Variants in UNKL observed in about 807,000 individuals in gnomAD.
UNKL encodes the protein putative E3 ubiquitin-protein ligase UNKL.
UNKL carries 60 observed loss-of-function variants against 78.0 expected under a neutral mutation model. That is an observed-to-expected ratio of 0.77 (90% CI 0.63 to 0.95). The LOEUF is 0.95. Among genes scored for constraint, UNKL ranks in the 40% least tolerant of loss-of-function variants. UNKL has a pLI of 0.00. For synonymous variants in UNKL, 608 were observed against 474.8 expected, an observed-to-expected ratio of 1.28 and a Z score of -3.65; for missense variants, 1,159 against 1,045.7, an observed-to-expected ratio of 1.11 and a Z score of -1.49.
At chr16:1,379,977 G>A (rs529445067) in intron 10 of UNKL, among the ~76,000 whole-genome samples, 1 of 152,148 alleles carries the variant, frequency 6.6e-6, no homozygotes, top group African/African-American at 2.4e-5. Context: ...AAACACGGTC[G>A]ACCCAACAGG....
In UNKL at chr16:1,397,755, G is replaced by T. The variant is rs542557903; in HGVS notation, c.735-460C>A. Among the ~76,000 whole-genome samples the T allele has an allele frequency of 6.8e-5, 7 of 103,154 alleles. No homozygotes were observed. In the South Asian group the frequency reaches 2.8e-3, roughly 41 times the overall value. 67.7% of individuals were successfully genotyped at this position (103,154 alleles called of 152,430 possible). Reference sequence around the variant, plus strand: ...CCTGGGGATGAGGAGGTGTCAGGGGGACACAGAGGACTTGGCTCCCCCACC... The same window carrying T: ...CCTGGGGATGAGGAGGTGTCAGGGGTACACAGAGGACTTGGCTCCCCCACC... On this transcript the variant is annotated intron_variant, in intron 5 of 14. Coordinates refer to ENST00000389221, the MANE Select transcript of UNKL (RefSeq NM_001372107.1).
At chr16:1,386,728 A>T (rs1362076390) in intron 9 of UNKL, among the ~76,000 whole-genome samples, 1 of 152,134 alleles carries the variant, frequency 6.6e-6, no homozygotes, top group African/African-American at 2.4e-5. Flanking sequence ...AAAGATCAGA[A>T]ATCCCCGACA....
Position 1,397,251 on chromosome 16 carries a change from T to TC in UNKL, c.778dup (p.Glu260GlyfsTer53). ...GTCGCCGCCATCGCAGCGTGAGGGT[T>TC]CCCCCCACTCATCCCCGTGCTTCAC... On this transcript the variant is annotated frameshift_variant, in exon 6 of 15. Transcript: ENST00000389221. LOFTEE classifies it high-confidence loss of function. 17 of 1,541,878 alleles carry TC rather than the reference T, an allele frequency of 1.1e-5. No individual in the cohort carries two copies. Among genetic ancestry groups the TC allele is most frequent in the East Asian group, 9.8e-5 (4 of 40,892 alleles).
intron 8 of UNKL, among the ~76,000 whole-genome samples, chr16:1,391,223 C>T (rs1408133200): frequency 6.7e-6 from 1 of 149,524 alleles, no homozygotes. Flanking sequence ...CAGCAGTACT[C>T]TTGGTCCCTT....
In UNKL at chr16:1,367,770, TG is replaced by T; in HGVS notation, c.1673del (p.Pro558HisfsTer37). 1 of 1,572,036 alleles carries T rather than the reference TG, an allele frequency of 6.4e-7. No individual in the cohort carries two copies. The highest frequency in any genetic ancestry group is 1.4e-5 in the African/African-American group (1 of 73,886). ...SPSPILSAGP[P>X]SSSSASPNGA... is the part of the protein sequence containing the mutation. ...CGTTTGGACTTGCACTCGAAGAGGA[TG>T]GGGGGCCGGCACTCAGGATGGGGGA... On this transcript the variant is annotated frameshift_variant, in exon 13 of 15. Transcript: ENST00000389221. LOFTEE classifies it high-confidence loss of function.
intron 10 of UNKL, among the ~76,000 whole-genome samples, chr16:1,380,006 C>A (rs1484939360): frequency 6.6e-6 from 1 of 152,162 alleles, no homozygotes; most frequent in Non-Finnish European, 1.5e-5. Context: ...CGGGGCGGGG[C>A]GGCGTGAGCT....
intron 6 of UNKL, among the ~76,000 whole-genome samples, chr16:1,394,856 C>T (rs960229566): frequency 2.8e-4 from 42 of 152,180 alleles, no homozygotes; most frequent in African/African-American, 9.2e-4. Context: ...GTCGGGCACC[C>T]GGTGGGGTCC....
At chr16:1,409,752 G>A (rs2037950978) in intron 2 of UNKL, among the ~76,000 whole-genome samples, 2 of 152,174 alleles carry the variant, frequency 1.3e-5, no homozygotes, top group South Asian at 2.1e-4. Flanking sequence ...TAGCAGTGAG[G>A]CTGAGTCCAC....
At chr16:1,398,874 T>G (rs1380126454) in intron 5 of UNKL, 2 of 1,575,460 alleles carry the variant, frequency 1.3e-6, no homozygotes, top group Non-Finnish European at 1.7e-6. Context: ...GTGTGCACCC[T>G]GGGCAGGGCG....
rs759754274 is a variant in UNKL at position 1,385,340 on chromosome 16, C to T, written c.1132G>A (p.Val378Met). Residue 378 changes from valine to methionine, a missense_variant, in exon 10 of 15, where the codon GTG becomes ATG. Physicochemically the swap from Val to Met is conservative, Grantham distance 21. Transcript: ENST00000389221. ...AGGCTGGACGCCACGCTGGAGCTCA[C>T]GCTGGGGGCCGGCGGGTGGACCGCT... is the stretch of plus-strand genomic sequence containing the variant. ...FAAVHPPAPSVSSSVASSLAS... is the reference protein window; with the variant it reads ...FAAVHPPAPSMSSSVASSLAS... 65 of 1,422,232 alleles carry T rather than the reference C, an allele frequency of 4.6e-5. 1 individual carries two copies. Among genetic ancestry groups the T allele is most frequent in the South Asian group, 3.9e-4 (27 of 69,556 alleles). 88.1% of individuals were successfully genotyped at this position (1,422,232 alleles called of 1,614,324 possible). A position where few individuals can be genotyped will look rare whatever the true frequency, so the allele number is the denominator to read the frequency against.
chr16:1,367,862 AGT>A lies in UNKL; in HGVS notation c.1586-6_1586-5del. On this transcript the variant is annotated splice_polypyrimidine_tract_variant and splice_region_variant and intron_variant, in intron 12 of 14. Coordinates refer to ENST00000389221, the MANE Select transcript of UNKL (RefSeq NM_001372107.1). ...CTCCCGGGGACACCGTTCAAACCTGAGTGTGAAACGGTCGATGACGGCCCAGC... is the reference window on the plus strand; with the variant it reads ...CTCCCGGGGACACCGTTCAAACCTGAGTGAAACGGTCGATGACGGCCCAGC... 2 of 1,558,004 alleles carry A rather than the reference AGT, an allele frequency of 1.3e-6. No individual in the cohort carries two copies. The highest frequency in any genetic ancestry group is 1.7e-6 in the Non-Finnish European group (2 of 1,151,282).
chr16:1,379,078 G>A (rs1256126806), intron 10 of UNKL: 1 of 152,262 alleles, frequency 6.6e-6, no homozygotes, highest in East Asian at 1.9e-4. Flanking sequence ...CGGCCCCGCT[G>A]AGTCACCGCG....
At chr16:1,397,794 T>G in intron 5 of UNKL, among the ~76,000 whole-genome samples, 1 of 149,972 alleles carries the variant, frequency 6.7e-6, no homozygotes, top group South Asian at 2.1e-4. Context: ...ACCCCCGTGC[T>G]TCACGCTGGG....
intron 2 of UNKL, among the ~76,000 whole-genome samples, chr16:1,406,548 C>G (rs1232184857): frequency 6.6e-6 from 1 of 152,128 alleles, no homozygotes; most frequent in African/African-American, 2.4e-5. Flanking sequence ...TGCTGTTTCC[C>G]AGGCTGGTCC....
rs1324206099 is a variant in UNKL at position 1,399,909 on chromosome 16, C to A, written c.599-400G>T. Among the ~76,000 whole-genome samples the A allele has an allele frequency of 3.3e-5, 5 of 151,310 alleles. No individual in the cohort carries two copies. The highest frequency in any genetic ancestry group is 1.2e-4 in the African/African-American group (5 of 41,180). On this transcript the variant is annotated intron_variant, in intron 4 of 14. Transcript: ENST00000389221. The surrounding 1 kb of genome is among the most constrained non-coding windows in gnomAD (Gnocchi z 5.8). ...ATGCTAAAATCCAGAGACATGCACA[C>A]CCCGAAATGCCGCATGGTGAGCCTC...
At chr16:1,400,953 T>C (rs1015318974) in intron 4 of UNKL, among the ~76,000 whole-genome samples, 1 of 152,218 alleles carries the variant, frequency 6.6e-6, no homozygotes, top group African/African-American at 2.4e-5. Flanking sequence ...CCTCCCAAAG[T>C]GCTGAGATTA....
chr16:1,398,219 GTGAGC>G (rs751250475), intron 5 of UNKL: 1 of 777,238 alleles, frequency 1.3e-6, no homozygotes, highest in Non-Finnish European at 1.6e-6. Flanking sequence ...TCCTACTGCA[GTGAGC>G]TGAGACTGCA....
intron 13 of UNKL, 134 bp from the exon 14 acceptor site, chr16:1,367,483 G>GCCC: frequency 1.8e-6 from 1 of 568,654 alleles, no homozygotes; most frequent in Non-Finnish European, 2.6e-6. Flanking sequence ...GACCCCTGCG[G>GCCC]CCCTCCCTCC....
chr16:1,368,125 A>G (rs1596640928), intron 12 of UNKL: 6 of 519,412 alleles, frequency 1.2e-5, no homozygotes, highest in East Asian at 3.4e-5. Flanking sequence ...CTAAACAGAG[A>G]GGAATTAAAT....
Sources: allele counts gnomAD v4.1 joint callset (sites outside exome capture counted in the v4.1 genomes callset), GRCh38; gene constraint gnomAD v4.1.1; non-coding constraint Gnocchi (gnomAD v3.1); transcripts MANE v1.5; gene names NCBI Gene and HGNC (gene_info 2026-07-23, HGNC 2026-07-21).